Variants in SYT7 observed in about 807,000 individuals in gnomAD.
SYT7 encodes the protein synaptotagmin 7.
Under a neutral mutation model 75.1 loss-of-function variants are expected in SYT7, and 29 were observed. The observed-to-expected ratio is 0.39, with a 90% CI of 0.29 to 0.53. SYT7 has a LOEUF of 0.53. Among genes scored for constraint, SYT7 ranks in the 20% least tolerant of loss-of-function variants. SYT7 has a pLI of 0.77. For missense variants in SYT7, 693 were observed against 953.2 expected, an observed-to-expected ratio of 0.73 and a Z score of 3.59; for synonymous variants, 376 against 401.7, an observed-to-expected ratio of 0.94 and a Z score of 0.76.
In SYT7 at chr11:61,551,233, G is replaced by C. The variant is rs1296904698; in HGVS notation, c.215+151C>G. ...GAAAAGACGGGGCCCCTGAGTTTTT[G>C]GGGGTGTGTGGAGGGTGTAGAGAGC... On this transcript the variant is annotated intron_variant, in intron 3 of 12. Coordinates refer to ENST00000539008, the MANE Select transcript of SYT7 (RefSeq NM_001365809.2). The surrounding 1 kb of genome is among the most constrained non-coding windows in gnomAD (Gnocchi z 5.3). 1 of 722,670 alleles carries C rather than the reference G, an allele frequency of 1.4e-6. No individual in the cohort carries two copies. Among genetic ancestry groups the C allele is most frequent in the African/African-American group, 1.8e-5 (1 of 56,166 alleles). 44.8% of individuals were successfully genotyped at this position (722,670 alleles called of 1,614,324 possible).
rs574592003 is a variant in SYT7 at position 61,528,712 on chromosome 11, A to G, written c.1201-527T>C. 9.3e-4 allele frequency among the ~76,000 whole-genome samples: 141 copies of G among 152,292 alleles called. No homozygotes were observed. The South Asian group carries it at 0.011, about 12-fold the overall frequency. ...GGTGCGGAGAATGGTGTGATTTACAAAATGAGAGAGGCAAGTTTTCAGGAG... is the reference window on the plus strand; with the variant it reads ...GGTGCGGAGAATGGTGTGATTTACAGAATGAGAGAGGCAAGTTTTCAGGAG... On this transcript the variant is annotated intron_variant, in intron 8 of 12. Coordinates refer to ENST00000539008, the MANE Select transcript of SYT7 (RefSeq NM_001365809.2).
In SYT7 at chr11:61,516,844, G is replaced by C; in HGVS notation, c.*1783C>G. On this transcript the variant is annotated 3_prime_UTR_variant, in exon 13 of 13. Coordinates refer to ENST00000539008, the MANE Select transcript of SYT7 (RefSeq NM_001365809.2). This position sits in a 1 kb window ranked among gnomAD's most constrained non-coding sequence, Gnocchi z 4.6. Reference sequence around the variant, plus strand: ...GATGTTCCTCCAGATCCCAGGGAGAGGAAATGGTGGGGGTGTGCGATTTAA... The same window carrying C: ...GATGTTCCTCCAGATCCCAGGGAGACGAAATGGTGGGGGTGTGCGATTTAA... 1 of 168,596 alleles carries C rather than the reference G, an allele frequency of 5.9e-6. No individual in the cohort carries two copies. The highest frequency in any genetic ancestry group is 1.7e-4 in the East Asian group (1 of 6,052). The allele number at this position is 168,596 out of a possible 1,614,324, so 10.4% of individuals were successfully genotyped here.
At chr11:61,579,547 C>A (rs955141221) in intron 1 of SYT7, among the ~76,000 whole-genome samples, 2 of 152,184 alleles carry the variant, frequency 1.3e-5, no homozygotes, top group African/African-American at 4.8e-5. Flanking sequence ...GGGGTGGGAG[C>A]CGATTCCTCA....
At position 61,516,433 on chromosome 11, in the gene SYT7, C is replaced by G. The variant is rs2062150376; in HGVS notation, c.*2194G>C. ...ATGGGGAGCCGTTGCCCCGCCCACT[C>G]GATACAAGTTGGTTGGATCCCCAGG... On this transcript the variant is annotated 3_prime_UTR_variant, in exon 13 of 13. Transcript: ENST00000539008. The surrounding 1 kb of genome is among the most constrained non-coding windows in gnomAD (Gnocchi z 4.6). 1 of 151,900 alleles carries G rather than the reference C, an allele frequency of 6.6e-6. No homozygotes were observed. The highest frequency in any genetic ancestry group is 2.4e-5 in the African/African-American group (1 of 41,312). 9.4% of individuals were successfully genotyped at this position (151,900 alleles called of 1,614,324 possible). A position where few individuals can be genotyped will look rare whatever the true frequency, so the allele number is the denominator to read the frequency against.
intron 8 of SYT7, among the ~76,000 whole-genome samples, chr11:61,532,428 G>A (rs946856627): frequency 4.6e-5 from 7 of 152,290 alleles, no homozygotes; most frequent in East Asian, 1.9e-4. Flanking sequence ...CTGGTGGGGC[G>A]TGGGTGTGGA....
rs1565188455 is a variant in SYT7, at chr11:61,546,646, G to A, written c.348-391C>T. ...CACAGGACAACGAAGGGTTAACGAC[G>A]GAGGAAGAGCGGGCTGTCCAGGCCA... On this transcript the variant is annotated intron_variant, in intron 4 of 12. Transcript: ENST00000539008. The surrounding 1 kb of genome is among the most constrained non-coding windows in gnomAD (Gnocchi z 7.6). 6.4e-6 allele frequency: 3 copies of A among 466,796 alleles called. No homozygotes were observed. Among genetic ancestry groups the A allele is most frequent in the South Asian group, 1.5e-5 (1 of 64,636 alleles). 28.9% of individuals were successfully genotyped at this position (466,796 alleles called of 1,614,324 possible).
At chr11:61,561,228 G>A (rs555431450) in intron 1 of SYT7, among the ~76,000 whole-genome samples, 1 of 152,298 alleles carries the variant, frequency 6.6e-6, no homozygotes, top group East Asian at 1.9e-4. Context: ...CCTAGGTCCC[G>A]GCGGGTAAGG....
intron 2 of SYT7, among the ~76,000 whole-genome samples, chr11:61,554,206 C>T (rs534123403): frequency 3.3e-5 from 5 of 152,196 alleles, no homozygotes; most frequent in South Asian, 2.1e-4. Flanking sequence ...TGTCCCCAGG[C>T]CCTGCCCCTG....
chr11:61,564,313 C>T (rs889668495), intron 1 of SYT7, among the ~76,000 whole-genome samples: 3 of 152,172 alleles, frequency 2.0e-5, no homozygotes, highest in Non-Finnish European at 2.9e-5. Flanking sequence ...TTCCATCACC[C>T]GCAAGCCCTC....
At chr11:61,518,766 G>T in intron 12 of SYT7, 35 bp from the exon 13 acceptor site, 1 of 1,453,300 alleles carries the variant, frequency 6.9e-7, no homozygotes, top group Non-Finnish European at 9.3e-7. Context: ...CATCGGCACA[G>T]GCTCCAGGGC....
chr11:61,562,138 C>T (rs78887107), intron 1 of SYT7, among the ~76,000 whole-genome samples: 7,149 of 152,172 alleles, frequency 0.047, 322 homozygotes, highest in African/African-American at 0.12. Context: ...CTTTGCCTGA[C>T]AAACTCCTGA....
In SYT7 at chr11:61,515,820, GAC is replaced by G. The variant is rs2062135427; in HGVS notation, c.*2805_*2806del. 6.5e-6 allele frequency: 1 copy of G among 152,702 alleles called. No homozygotes were observed. Among genetic ancestry groups the G allele is most frequent in the Admixed American group, 6.5e-5 (1 of 15,278 alleles). The allele number at this position is 152,702 out of a possible 1,614,324, so 9.5% of individuals were successfully genotyped here. On this transcript the variant is annotated 3_prime_UTR_variant, in exon 13 of 13. Coordinates refer to ENST00000539008, the MANE Select transcript of SYT7 (RefSeq NM_001365809.2). ...AGACGAAGCCCATGAAAGGGCCTGC[GAC>G]AGAGTGAAGAGACGGATGGGCCTGC...
intron 1 of SYT7, among the ~76,000 whole-genome samples, chr11:61,567,017 T>C (rs1246255264): frequency 6.6e-6 from 1 of 151,978 alleles, no homozygotes; most frequent in Admixed American, 6.5e-5. Flanking sequence ...CCAGGGCTTA[T>C]GGTTGGGGAG....
chr11:61,548,219 G>A (rs1010229845), intron 3 of SYT7, among the ~76,000 whole-genome samples: 3 of 152,220 alleles, frequency 2.0e-5, no homozygotes, highest in African/African-American at 4.8e-5. Flanking sequence ...GGCCTGTGTA[G>A]CGGGAACCTG....
intron 7 of SYT7, 48 bp downstream of exon 7, chr11:61,538,096 G>C: frequency 6.5e-7 from 1 of 1,532,074 alleles, no homozygotes; most frequent in Non-Finnish European, 8.7e-7. Context: ...GCCTCTCCGC[G>C]CCTCCTTCTC....
intron 3 of SYT7, among the ~76,000 whole-genome samples, chr11:61,550,201 G>A (rs2063308616): frequency 6.6e-6 from 1 of 152,234 alleles, no homozygotes; most frequent in African/African-American, 2.4e-5. Context: ...CCTGGCCCAC[G>A]CCTCCTCTTG....
intron 6 of SYT7, chr11:61,539,746 G>A (rs1381465413): frequency 6.6e-6 from 1 of 152,178 alleles, no homozygotes; most frequent in East Asian, 1.9e-4. Flanking sequence ...GAGGGCACGA[G>A]GGTCTTGGAA....
chr11:61,562,349 T>C (rs1216849684), intron 1 of SYT7, among the ~76,000 whole-genome samples: 1 of 152,212 alleles, frequency 6.6e-6, no homozygotes, highest in Non-Finnish European at 1.5e-5. Context: ...CCATGTAACC[T>C]AATCTCTGTG....
chr11:61,587,745 G>T, the SYT7 span, among the ~76,000 whole-genome samples: 1 of 152,190 alleles, frequency 6.6e-6, no homozygotes, highest in Non-Finnish European at 1.5e-5. Context: ...CCCCAACATT[G>T]AAGTCTTTCT....
Sources: allele counts gnomAD v4.1 joint callset (sites outside exome capture counted in the v4.1 genomes callset), GRCh38; gene constraint gnomAD v4.1.1; non-coding constraint Gnocchi (gnomAD v3.1); transcripts MANE v1.5; gene names NCBI Gene and HGNC (gene_info 2026-07-23, HGNC 2026-07-21).